Variants in PRKCE observed in about 807,000 individuals in gnomAD.
The protein encoded by PRKCE is protein kinase C epsilon.
Under a neutral mutation model 85.4 loss-of-function variants are expected in PRKCE, and 16 were observed. The observed-to-expected ratio is 0.19, with a 90% CI of 0.13 to 0.28. PRKCE has a LOEUF of 0.28. Among genes scored for constraint, PRKCE ranks in the 10% least tolerant of loss-of-function variants. The pLI is 1.00. For synonymous variants in PRKCE, 388 were observed against 371.5 expected, an observed-to-expected ratio of 1.04 and a Z score of -0.51; for missense variants, 573 against 975.2, an observed-to-expected ratio of 0.59 and a Z score of 5.49.
rs141716618 is a variant in PRKCE at position 45,796,139 on chromosome 2, T to C, written c.349-46861T>C. Reference sequence around the variant, plus strand: ...CTACTTGCTGAACTCCAGCTAATTCTTTGATGTCTTCTCCAGGTTCTCCAT... The same window carrying C: ...CTACTTGCTGAACTCCAGCTAATTCCTTGATGTCTTCTCCAGGTTCTCCAT... On this transcript the variant is annotated intron_variant, in intron 1 of 14. Transcript: ENST00000306156. Among the ~76,000 whole-genome samples the C allele has an allele frequency of 7.9e-4, 120 of 152,324 alleles. No individual in the cohort carries two copies. In the East Asian group the frequency reaches 0.019, roughly 24 times the overall value.
chr2:46,136,422 A>T (rs1675009767), intron 11 of PRKCE, among the ~76,000 whole-genome samples: 1 of 152,248 alleles, frequency 6.6e-6, no homozygotes, highest in Non-Finnish European at 1.5e-5. Context: ...ATAGAAAAAT[A>T]CAATTTTCCA....
intron 1 of PRKCE, among the ~76,000 whole-genome samples, chr2:45,750,737 T>C (rs921127067): frequency 1.3e-5 from 2 of 152,202 alleles, no homozygotes; most frequent in Admixed American, 1.3e-4. Context: ...GAATGAGTAA[T>C]ACATGGAAGT....
At chr2:45,802,621 T>C (rs181564190) in intron 1 of PRKCE, among the ~76,000 whole-genome samples, 650 of 152,268 alleles carry the variant, frequency 4.3e-3, no homozygotes, top group Non-Finnish European at 6.2e-3. Flanking sequence ...TAAAAGCAAA[T>C]GGAGTAAGCC....
intron 12 of PRKCE, 59 bp from the exon 13 acceptor site, chr2:46,150,982 C>T (rs1453615493): frequency 2.3e-5 from 34 of 1,493,800 alleles, no homozygotes; most frequent in South Asian, 7.4e-5. Flanking sequence ...GTTCGTAGCA[C>T]GGGTGTCACT....
chr2:45,691,026 T>C (rs1677685085), intron 1 of PRKCE, among the ~76,000 whole-genome samples: 1 of 152,256 alleles, frequency 6.6e-6, no homozygotes, highest in Non-Finnish European at 1.5e-5. Context: ...AAGCCTGAAC[T>C]TCGCTGGATT....
intron 1 of PRKCE, among the ~76,000 whole-genome samples, chr2:45,836,267 C>T (rs7591351): frequency 0.46 from 69,724 of 151,952 alleles, 16,176 homozygotes; most frequent in Middle Eastern, 0.56. Context: ...ACGATCTGCC[C>T]CTCCCCTTAT....
chr2:46,133,221 C>G (rs1045545907), intron 11 of PRKCE, among the ~76,000 whole-genome samples: 5 of 152,202 alleles, frequency 3.3e-5, no homozygotes, highest in Non-Finnish European at 5.9e-5. Flanking sequence ...AAAGGTTACT[C>G]TTGGTCCTTT....
chr2:46,037,413 G>A (rs1707935440), intron 10 of PRKCE, among the ~76,000 whole-genome samples: 1 of 152,178 alleles, frequency 6.6e-6, no homozygotes, highest in East Asian at 1.9e-4. Flanking sequence ...AAGCAGGGGT[G>A]CATTGTTACC....
chr2:46,164,134 A>G (rs951093890), intron 14 of PRKCE, among the ~76,000 whole-genome samples: 15 of 152,230 alleles, frequency 9.9e-5, no homozygotes, highest in Non-Finnish European at 2.1e-4. Flanking sequence ...GACAGAGGGA[A>G]GAGGGAAAAC....
chr2:46,036,387 G>A (rs1279017893), intron 10 of PRKCE, among the ~76,000 whole-genome samples: 1 of 151,984 alleles, frequency 6.6e-6, no homozygotes, highest in African/African-American at 2.4e-5. Context: ...GAACACCCTG[G>A]GCCATATAGT....
At chr2:45,716,002 C>CTT (rs1303383712) in intron 1 of PRKCE, among the ~76,000 whole-genome samples, 1 of 152,202 alleles carries the variant, frequency 6.6e-6, no homozygotes, top group Non-Finnish European at 1.5e-5. Context: ...TCAGCTGAGT[C>CTT]TTTCCTACTA....
rs1558792924 is a variant in PRKCE at position 45,884,976 on chromosome 2, TA to T, written c.412+41914del. ...ATCCATATATATATATATATATATA[TA>T]TATATATATATATATATATATATAT... is the stretch of plus-strand genomic sequence containing the variant. On this transcript the variant is annotated intron_variant, in intron 2 of 14. Transcript: ENST00000306156. Among the ~76,000 whole-genome samples the T allele has an allele frequency of 6.7e-3, 461 of 69,152 alleles. 20 individuals carry two copies. Among genetic ancestry groups the T allele is most frequent in the South Asian group, 0.057 (84 of 1,470 alleles). The allele number at this position is 69,152 out of a possible 152,430, so 45.4% of individuals were successfully genotyped here. A position where few individuals can be genotyped will look rare whatever the true frequency, so the allele number is the denominator to read the frequency against.
At chr2:45,840,634 C>G (rs1449169887) in intron 1 of PRKCE, 1 of 152,212 alleles carries the variant, frequency 6.6e-6, no homozygotes, top group Non-Finnish European at 1.5e-5. Flanking sequence ...CGGAGCACCT[C>G]AGCTATCACC....
chr2:46,032,824 T>C (rs1235918960), intron 10 of PRKCE, among the ~76,000 whole-genome samples: 1 of 152,366 alleles, frequency 6.6e-6, no homozygotes, highest in Admixed American at 6.5e-5. Flanking sequence ...TGTGTGCTTT[T>C]GGGATATCGA....
At chr2:45,846,689 A>G (rs1402538342) in intron 2 of PRKCE, among the ~76,000 whole-genome samples, 2 of 152,224 alleles carry the variant, frequency 1.3e-5, no homozygotes, top group African/African-American at 2.4e-5. Context: ...CTCAACAGAT[A>G]GAGGAGAAAG....
chr2:45,895,423 C>A lies in PRKCE; in HGVS notation c.412+52360C>A, dbSNP rs1696060267. ...GGGGAGGCCTAACTGCCTCTCCGCA[C>A]CCTGATGTCATCTGGCTGGTCCCTG... is the stretch of plus-strand genomic sequence containing the variant. On this transcript the variant is annotated intron_variant, in intron 2 of 14. Coordinates refer to ENST00000306156, the MANE Select transcript of PRKCE (RefSeq NM_005400.3). The surrounding 1 kb of genome is among the most constrained non-coding windows in gnomAD (Gnocchi z 4.8). 1.3e-5 allele frequency among the ~76,000 whole-genome samples: 2 copies of A among 152,310 alleles called. No homozygotes were observed. Among genetic ancestry groups the A allele is most frequent in the South Asian group, 4.1e-4 (2 of 4,826 alleles).
At chr2:46,037,710 C>A (rs1707957882) in intron 10 of PRKCE, among the ~76,000 whole-genome samples, 1 of 152,170 alleles carries the variant, frequency 6.6e-6, no homozygotes, top group African/African-American at 2.4e-5. Context: ...CCTTCTCAGG[C>A]CACTCTTCAA....
chr2:46,007,772 T>A (rs1705332280), intron 9 of PRKCE, 111 bp downstream of exon 9: 2 of 1,238,456 alleles, frequency 1.6e-6, no homozygotes, highest in South Asian at 1.5e-5. Context: ...CTCGTTAGGT[T>A]TTCTTTCCTT....
At chr2:45,841,275 G>T (rs577176613) in intron 1 of PRKCE, among the ~76,000 whole-genome samples, 16 of 152,224 alleles carry the variant, frequency 1.1e-4, no homozygotes, top group Non-Finnish European at 1.8e-4. Context: ...CCGTCTGCAC[G>T]CTGAGGAGCA....
Sources: allele counts gnomAD v4.1 joint callset (sites outside exome capture counted in the v4.1 genomes callset), GRCh38; gene constraint gnomAD v4.1.1; non-coding constraint Gnocchi (gnomAD v3.1); transcripts MANE v1.5; gene names NCBI Gene and HGNC (gene_info 2026-07-23, HGNC 2026-07-21).